The following FKBP3 variants were observed in gnomAD, a reference collection of about 807,000 sequenced individuals.
The protein encoded by FKBP3 is peptidyl-prolyl cis-trans isomerase FKBP3.
A neutral mutation model predicts 30.6 loss-of-function variants in FKBP3; 21 were observed. That is an observed-to-expected ratio of 0.69 (90% CI 0.49 to 0.99). FKBP3 has a LOEUF of 0.99. FKBP3 is among the 50% of genes least tolerant of loss of function. FKBP3 has a pLI of 0.00. For missense variants in FKBP3, 283 were observed against 261.6 expected (o/e 1.08, Z -0.56); for synonymous variants, 82 against 91.3 (o/e 0.90, Z 0.58).
intron 2 of FKBP3, 93 bp from the exon 3 acceptor site, chr14:45,129,994 G>C: frequency 4.7e-6 from 3 of 636,816 alleles, no homozygotes; most frequent in Non-Finnish European, 8.0e-6. Context: ...ATGAACATCT[G>C]CATAATAAAT....
chr14:45,122,542 C>T (rs1885008111), intron 3 of FKBP3, among the ~76,000 whole-genome samples: 1 of 152,004 alleles, frequency 6.6e-6, no homozygotes, highest in African/African-American at 2.4e-5. Flanking sequence ...CACTCTGTCG[C>T]CAGGCTGGAG....
chr14:45,122,648 C>T (rs1440220407), intron 3 of FKBP3, among the ~76,000 whole-genome samples: 1 of 151,718 alleles, frequency 6.6e-6, no homozygotes, highest in Non-Finnish European at 1.5e-5. Flanking sequence ...GGACTACAGG[C>T]GCCTGCCACC....
At chr14:45,124,262 T>C (rs1389688120) in intron 3 of FKBP3, among the ~76,000 whole-genome samples, 1 of 152,034 alleles carries the variant, frequency 6.6e-6, no homozygotes, top group Non-Finnish European at 1.5e-5. Flanking sequence ...TGGGCGCAGT[T>C]ACTCACACCT....
chr14:45,119,926 G>C (rs968027356), intron 5 of FKBP3, among the ~76,000 whole-genome samples: 8 of 152,082 alleles, frequency 5.3e-5, no homozygotes, highest in Non-Finnish European at 1.0e-4. Flanking sequence ...GACCGACCTT[G>C]TGATCCACCC....
In FKBP3 at chr14:45,115,737, T is replaced by G. The variant is rs966164501; in HGVS notation, c.*461A>C. The G allele has an allele frequency of 5.9e-5, 9 of 152,790 alleles. No individual in the cohort carries two copies. The highest frequency in any genetic ancestry group is 2.2e-4 in the African/African-American group (9 of 41,484). The allele number at this position is 152,790 out of a possible 1,614,324, so 9.5% of individuals were successfully genotyped here. On this transcript the variant is annotated 3_prime_UTR_variant, in exon 7 of 7. Coordinates refer to ENST00000396062, the MANE Select transcript of FKBP3 (RefSeq NM_002013.4). The stretch of plus-strand genomic sequence containing the variant: ...TCTTCCTGCCAAGATTTTTCTGCTT[T>G]TAGCATTTTGTTTCCCCTCAAGCCT...
At chr14:45,123,009 A>G (rs1249750482) in intron 3 of FKBP3, among the ~76,000 whole-genome samples, 1 of 151,672 alleles carries the variant, frequency 6.6e-6, no homozygotes, top group Non-Finnish European at 1.5e-5. Context: ...CCTGGCCAAC[A>G]TGGTAAAACC....
rs57196141 is a variant in FKBP3, at chr14:45,118,419, C to T, written c.523-294G>A. The stretch of plus-strand genomic sequence containing the variant: ...CCGAGGTGGGCAGATCACTTAAGGT[C>T]AGGAGTTTGAGACCAGCCTAGCTAA... On this transcript the variant is annotated intron_variant, in intron 5 of 6. Transcript: ENST00000396062. 7.6e-3 allele frequency among the ~76,000 whole-genome samples: 1,150 copies of T among 152,140 alleles called. 15 individuals are homozygous for T. The highest frequency in any genetic ancestry group is 0.026 in the African/African-American group (1,096 of 41,496).
In FKBP3 at chr14:45,116,099, CCTTTA is replaced by C. The variant is rs1884827423; in HGVS notation, c.*94_*98del. On this transcript the variant is annotated 3_prime_UTR_variant, in exon 7 of 7. Transcript: ENST00000396062. ...TCCTTGAATTTTCCAGTTGACTCTT[CCTTTA>C]CAATAGTAACAAGTTCTAACTAGTT... The C allele has an allele frequency of 1.2e-6, 1 of 836,538 alleles. No homozygotes were observed. Among genetic ancestry groups the C allele is most frequent in the Non-Finnish European group, 2.0e-6 (1 of 508,860 alleles). 51.8% of individuals were successfully genotyped at this position (836,538 alleles called of 1,614,324 possible).
intron 6 of FKBP3, 90 bp downstream of exon 6, chr14:45,117,938 G>T: frequency 1.1e-6 from 1 of 891,350 alleles, no homozygotes; most frequent in Non-Finnish European, 1.8e-6. Context: ...TGATCCAGAA[G>T]TTTGCCTAGA....
intron 5 of FKBP3, among the ~76,000 whole-genome samples, chr14:45,118,874 G>C (rs771461163): frequency 1.3e-5 from 2 of 151,716 alleles, no homozygotes; most frequent in Non-Finnish European, 2.9e-5. Flanking sequence ...TTTTTCTTTT[G>C]AGATGGAGTT....
chr14:45,127,453 T>A (rs189854481), intron 3 of FKBP3, among the ~76,000 whole-genome samples: 5 of 152,202 alleles, frequency 3.3e-5, no homozygotes, highest in South Asian at 2.1e-4. Flanking sequence ...AAATAAAAAA[T>A]TTTTAAATGA....
chr14:45,116,910 C>T (rs976670327), intron 6 of FKBP3, among the ~76,000 whole-genome samples: 9 of 152,056 alleles, frequency 5.9e-5, no homozygotes, highest in Non-Finnish European at 1.2e-4. Flanking sequence ...TTTATATGTG[C>T]ATCAGATTGG....
At chr14:45,131,927 A>G (rs1885225489) in intron 1 of FKBP3, among the ~76,000 whole-genome samples, 1 of 152,232 alleles carries the variant, frequency 6.6e-6, no homozygotes, top group Non-Finnish European at 1.5e-5. Flanking sequence ...GATGGACACT[A>G]AAATACTACT....
rs560082986 is a variant in FKBP3 at position 45,133,101 on chromosome 14, A to G, written c.108+1248T>C. 3.4e-4 allele frequency among the ~76,000 whole-genome samples: 52 copies of G among 152,320 alleles called. 1 individual carries two copies. The highest frequency in any genetic ancestry group is 1.4e-3 in the Admixed American group (21 of 15,308). On this transcript the variant is annotated intron_variant, in intron 1 of 6. Coordinates refer to ENST00000396062, the MANE Select transcript of FKBP3 (RefSeq NM_002013.4). ...GATGCCAGGATAATAATTAAGGAAG[A>G]AGGCACTGGAAGTTGGAGAGTTCTT...
At chr14:45,134,025 G>A (rs901758997) in intron 1 of FKBP3, among the ~76,000 whole-genome samples, 1 of 152,100 alleles carries the variant, frequency 6.6e-6, no homozygotes, top group Admixed American at 6.6e-5. Flanking sequence ...ACTATTCCTC[G>A]GCCTCTCCGC....
intron 1 of FKBP3, among the ~76,000 whole-genome samples, chr14:45,133,605 T>A (rs1481803731): frequency 6.6e-6 from 1 of 152,166 alleles, no homozygotes; most frequent in Non-Finnish European, 1.5e-5. Context: ...ATTTAACAGG[T>A]GCATGAATGA....
At chr14:45,132,086 T>C in intron 1 of FKBP3, among the ~76,000 whole-genome samples, 1 of 152,244 alleles carries the variant, frequency 6.6e-6, no homozygotes, top group Non-Finnish European at 1.5e-5. Flanking sequence ...TTCTCAAAGT[T>C]GTCCTTTGGC....
chr14:45,121,038 T>C, intron 4 of FKBP3, 84 bp from the exon 5 acceptor site: 5 of 1,121,172 alleles, frequency 4.5e-6, no homozygotes, highest in Non-Finnish European at 6.5e-6. Context: ...TAAATTCCAG[T>C]GGAAAAATAT....
rs779967895 is a variant in FKBP3, at chr14:45,120,968, T to A, written c.455-14A>T. ...TCTTCTTTGCACCTGTAAAACAGATTTTCCTTATCATTAATGATATACTCT... is the reference window on the plus strand; with the variant it reads ...TCTTCTTTGCACCTGTAAAACAGATATTCCTTATCATTAATGATATACTCT... On this transcript the variant is annotated splice_polypyrimidine_tract_variant and intron_variant, in intron 4 of 6. Coordinates refer to ENST00000396062, the MANE Select transcript of FKBP3 (RefSeq NM_002013.4). 6.2e-7 allele frequency: 1 copy of A among 1,605,586 alleles called. No individual in the cohort carries two copies. Among genetic ancestry groups the A allele is most frequent in the Admixed American group, 1.7e-5 (1 of 59,964 alleles).
Sources: allele counts gnomAD v4.1 joint callset (sites outside exome capture counted in the v4.1 genomes callset), GRCh38; gene constraint gnomAD v4.1.1; transcripts MANE v1.5; gene names NCBI Gene and HGNC (gene_info 2026-07-23, HGNC 2026-07-21).